Variants in YAF2 observed in about 807,000 individuals in gnomAD.
The protein encoded by YAF2 is YY1-associated factor 2.
In YAF2, 7 loss-of-function variants were observed where a neutral mutation model predicts 20.1. The ratio of observed to expected loss-of-function variants is 0.35; its 90% CI spans 0.20 to 0.65. The LOEUF is 0.65. Among genes scored for constraint, YAF2 ranks in the 30% least tolerant of loss-of-function variants. The pLI, the probability that YAF2 is intolerant of heterozygous loss-of-function variation, is 0.69. For missense variants in YAF2, 151 were observed against 219.2 expected (o/e 0.69, Z 1.96); for synonymous variants, 74 against 76.0 (o/e 0.97, Z 0.14).
At chr12:42,231,827 T>C (rs1435098047) in intron 2 of YAF2, 1 of 152,234 alleles carries the variant, frequency 6.6e-6, no homozygotes, top group Non-Finnish European at 1.5e-5. Context: ...TTCACTTGAA[T>C]GATTATCACT....
At chr12:42,200,104 G>C (rs1004639895) in intron 2 of YAF2, among the ~76,000 whole-genome samples, 2 of 152,086 alleles carry the variant, frequency 1.3e-5, no homozygotes, top group African/African-American at 4.8e-5. Context: ...CTAAATTTTG[G>C]AGACAAAATA....
At chr12:42,186,027 C>A (rs1371593284) in intron 2 of YAF2, among the ~76,000 whole-genome samples, 1 of 151,592 alleles carries the variant, frequency 6.6e-6, no homozygotes, top group African/African-American at 2.4e-5. Flanking sequence ...GTGGTGAAAC[C>A]CCTAAAATAC....
chr12:42,205,915 C>A, intron 2 of YAF2: 1 of 398,386 alleles, frequency 2.5e-6, no homozygotes, highest in Middle Eastern at 3.8e-4. Context: ...TTGTAATTTC[C>A]ATTTTTTTAA....
At chr12:42,190,037 T>C (rs1320881902) in intron 2 of YAF2, among the ~76,000 whole-genome samples, 1 of 152,218 alleles carries the variant, frequency 6.6e-6, no homozygotes, top group African/African-American at 2.4e-5. Context: ...CAATTTACTT[T>C]TGTCGTTTTA....
intron 2 of YAF2, among the ~76,000 whole-genome samples, chr12:42,163,654 G>T (rs1592144873): frequency 6.6e-6 from 1 of 152,128 alleles, no homozygotes; most frequent in East Asian, 1.9e-4. Flanking sequence ...TAAAGATTAT[G>T]ATTTTGTACC....
intron 2 of YAF2, among the ~76,000 whole-genome samples, chr12:42,206,623 AG>A (rs2067051053): frequency 6.6e-6 from 1 of 151,816 alleles, no homozygotes. Context: ...AAAAAAAAAA[AG>A]TAACTGAAAT....
intron 2 of YAF2, among the ~76,000 whole-genome samples, chr12:42,186,281 G>A (rs1319899646): frequency 6.6e-6 from 1 of 151,908 alleles, no homozygotes; most frequent in African/African-American, 2.4e-5. Flanking sequence ...TTGAACCTGG[G>A]AGGCGGAGGT....
chr12:42,225,216 T>G (rs1271099156), intron 2 of YAF2, among the ~76,000 whole-genome samples: 2 of 148,836 alleles, frequency 1.3e-5, no homozygotes, highest in Non-Finnish European at 2.9e-5. Context: ...GATGGGGTTG[T>G]TTTTTTTCTT....
chr12:42,199,093 C>G, intron 2 of YAF2: 1 of 1,132,714 alleles, frequency 8.8e-7, no homozygotes, highest in Non-Finnish European at 1.2e-6. Flanking sequence ...TTGGGTACAT[C>G]TTCAACAAGA....
At chr12:42,222,257 GAATGAAA>G (rs1237169240) in intron 2 of YAF2, among the ~76,000 whole-genome samples, 15 of 152,260 alleles carry the variant, frequency 9.9e-5, no homozygotes, top group African/African-American at 3.6e-4. Context: ...CCAACTCCTT[GAATGAAA>G]ACTTGATATT....
intron 2 of YAF2, chr12:42,210,706 T>C: frequency 1.3e-6 from 2 of 1,523,902 alleles, no homozygotes; most frequent in South Asian, 1.2e-5. Flanking sequence ...GATTATTTCA[T>C]TTTATTTGAG....
At chr12:42,233,824 TA>T in intron 2 of YAF2, 1 of 985,414 alleles carries the variant, frequency 1.0e-6, no homozygotes, top group Non-Finnish European at 1.2e-6. Flanking sequence ...GAATGATCCT[TA>T]ATTTCCTAAA....
At position 42,204,462 on chromosome 12, in the gene YAF2, T is replaced by C. The variant is rs536450961; in HGVS notation, c.152+33137A>G. ...CAATACAATATAACAACTATTTACA[T>C]AGCACTTGGGTTATATTAGATATTA... On this transcript the variant is annotated intron_variant, in intron 2 of 3. Coordinates refer to ENST00000534854, the MANE Select transcript of YAF2 (RefSeq NM_005748.6). Among the ~76,000 whole-genome samples the C allele has an allele frequency of 2.8e-4, 43 of 152,296 alleles. 1 individual carries two copies. The highest frequency in any genetic ancestry group is 9.9e-4 in the African/African-American group (41 of 41,562).
intron 2 of YAF2, chr12:42,199,239 G>A (rs1659355209): frequency 1.6e-6 from 2 of 1,286,946 alleles, no homozygotes; most frequent in South Asian, 2.5e-5. Context: ...GTTATCTCTG[G>A]CAAAAGGGTT....
At chr12:42,183,709 C>T (rs955007487) in intron 2 of YAF2, among the ~76,000 whole-genome samples, 5 of 152,188 alleles carry the variant, frequency 3.3e-5, no homozygotes, top group Admixed American at 3.3e-4. Flanking sequence ...TATATAAAAA[C>T]TGCATCAAGT....
chr12:42,189,946 G>A (rs2066570901), intron 2 of YAF2, among the ~76,000 whole-genome samples: 1 of 152,180 alleles, frequency 6.6e-6, no homozygotes, highest in Admixed American at 6.5e-5. Context: ...AATAGCAAAA[G>A]CAGCTACGTT....
At chr12:42,211,797 C>G (rs939617730) in intron 2 of YAF2, among the ~76,000 whole-genome samples, 2 of 150,710 alleles carry the variant, frequency 1.3e-5, no homozygotes, top group Non-Finnish European at 2.9e-5. Context: ...ACCTGTGATT[C>G]CAGCACTTTG....
At chr12:42,175,604 C>T (rs923215968) in intron 2 of YAF2, among the ~76,000 whole-genome samples, 3 of 150,044 alleles carry the variant, frequency 2.0e-5, no homozygotes, top group Admixed American at 1.3e-4. Context: ...AGGCCAGGCA[C>T]GGTGGCTCAC....
At chr12:42,165,766 C>T (rs995876061) in intron 2 of YAF2, among the ~76,000 whole-genome samples, 9 of 144,038 alleles carry the variant, frequency 6.2e-5, no homozygotes, top group African/African-American at 1.8e-4. Flanking sequence ...CTGCTGCGCC[C>T]GGCCAGGTTT....
Sources: gnomAD v4.1 joint callset for allele counts (sites outside exome capture counted in the v4.1 genomes callset) on GRCh38, gnomAD v4.1.1 for gene constraint, MANE v1.5 for transcripts, NCBI Gene and HGNC (gene_info 2026-07-23, HGNC 2026-07-21) for gene names.